Variants in ERBB4 observed in about 807,000 individuals in gnomAD.
ERBB4 encodes receptor tyrosine-protein kinase erbB-4.
In ERBB4, 42 loss-of-function variants were observed where a neutral mutation model predicts 158.0. The observed-to-expected ratio is 0.27, with a 90% CI of 0.21 to 0.34. ERBB4 has a LOEUF of 0.34. Among genes scored for constraint, ERBB4 ranks in the 10% least tolerant of loss-of-function variants. The pLI is 1.00. For missense variants in ERBB4, 1,333 were observed against 1,624.1 expected (o/e 0.82, Z 3.08); for synonymous variants, 583 against 558.7 (o/e 1.04, Z -0.61).
At chr2:212,018,074 A>G (rs867740514) in intron 2 of ERBB4, among the ~76,000 whole-genome samples, 84 of 152,188 alleles carry the variant, frequency 5.5e-4, no homozygotes, top group African/African-American at 1.9e-3. Flanking sequence ...TGGCTAAACT[A>G]TAAGAAATTG....
In ERBB4 at chr2:212,525,749, GTTTGT is replaced by G. The variant is rs1361240119; in HGVS notation, c.82+12695_82+12699del. On this transcript the variant is annotated intron_variant, in intron 1 of 27. Coordinates refer to ENST00000342788, the MANE Select transcript of ERBB4 (RefSeq NM_005235.3). ...CCACAAAAATAAGGTTTTGAGTTTT[GTTTGT>G]TTTGTTTTAAGCAACTTCCTGATTA... Among the ~76,000 whole-genome samples, 4 of 151,910 alleles carry G rather than the reference GTTTGT, an allele frequency of 2.6e-5. No individual in the cohort carries two copies. The East Asian group carries it at 7.7e-4, about 29-fold the overall frequency.
chr2:212,188,219 T>G (rs1575770947), intron 1 of ERBB4, among the ~76,000 whole-genome samples: 2 of 32,892 alleles, frequency 6.1e-5, no homozygotes, highest in African/African-American at 2.3e-4. Context: ...TCTCTCTCTC[T>G]CTCTCTCTCT....
chr2:211,621,078 G>A lies in ERBB4; in HGVS notation c.2203-1803C>T, dbSNP rs531367219. ...TACGGTGAACTGTGATTAAACCACT[G>A]CCCTCCACCCTGGCCTACAGAGCAA... On this transcript the variant is annotated intron_variant, in intron 18 of 27. Coordinates refer to ENST00000342788, the MANE Select transcript of ERBB4 (RefSeq NM_005235.3). Among the ~76,000 whole-genome samples, 6 of 152,210 alleles carry A rather than the reference G, an allele frequency of 3.9e-5. No homozygotes were observed. In the South Asian group the frequency reaches 8.3e-4, roughly 21 times the overall value.
intron 1 of ERBB4, among the ~76,000 whole-genome samples, chr2:212,240,650 A>AAAAAAAAAAAAAAAAAAG: frequency 6.9e-6 from 1 of 144,166 alleles, no homozygotes; most frequent in Non-Finnish European, 1.5e-5. Flanking sequence ...AAAAAAAAAA[A>AAAAAAAAAAAAAAAAAAG]AAAAAAAAAA....
intron 20 of ERBB4, among the ~76,000 whole-genome samples, chr2:211,440,419 C>G (rs1027441699): frequency 2.6e-5 from 4 of 152,110 alleles, no homozygotes; most frequent in Non-Finnish European, 5.9e-5. Context: ...ACAGCAACCT[C>G]TAGATTAATA....
chr2:211,825,629 T>A (rs1025534476), intron 3 of ERBB4, among the ~76,000 whole-genome samples: 4 of 151,558 alleles, frequency 2.6e-5, no homozygotes, highest in African/African-American at 9.7e-5. Context: ...GACAGAGAGA[T>A]AAATGTGAGT....
At chr2:212,422,302 C>T (rs1259300774) in intron 1 of ERBB4, among the ~76,000 whole-genome samples, 2 of 151,968 alleles carry the variant, frequency 1.3e-5, no homozygotes, top group African/African-American at 4.8e-5. Flanking sequence ...GTCAGTAGCT[C>T]GAGACCAGTC....
intron 1 of ERBB4, among the ~76,000 whole-genome samples, chr2:212,511,369 T>TCA (rs1207824748): frequency 2.0e-5 from 3 of 152,198 alleles, no homozygotes; most frequent in Non-Finnish European, 4.4e-5. Context: ...AGTGCAGTGT[T>TCA]CAGTGGATAA....
intron 2 of ERBB4, among the ~76,000 whole-genome samples, chr2:212,091,230 T>C (rs1395050241): frequency 1.3e-5 from 2 of 151,970 alleles, no homozygotes; most frequent in African/African-American, 4.8e-5. Context: ...GAAAGATATA[T>C]TAAGGTCAAT....
chr2:212,488,534 T>C (rs114436962), intron 1 of ERBB4, among the ~76,000 whole-genome samples: 168 of 152,144 alleles, frequency 1.1e-3, no homozygotes, highest in African/African-American at 4.0e-3. Context: ...GTAGACACTA[T>C]ACTTCAAGGC....
intron 20 of ERBB4, among the ~76,000 whole-genome samples, chr2:211,516,090 ATT>A (rs1163618874): frequency 6.7e-6 from 1 of 148,778 alleles, no homozygotes. Flanking sequence ...AATTTTTTGT[ATT>A]TTTTTAGTAG....
chr2:211,994,212 C>A (rs890462827), intron 2 of ERBB4, among the ~76,000 whole-genome samples: 2 of 151,984 alleles, frequency 1.3e-5, no homozygotes, highest in Non-Finnish European at 2.9e-5. Context: ...TTCACTGCAG[C>A]CTCAAACTCC....
At chr2:212,319,339 C>T (rs529869053) in intron 1 of ERBB4, among the ~76,000 whole-genome samples, 1 of 141,186 alleles carries the variant, frequency 7.1e-6, no homozygotes, top group East Asian at 2.0e-4. Flanking sequence ...TTCACTTTTC[C>T]TGGGTTTAGT....
At chr2:211,522,258 T>C (rs975230838) in intron 20 of ERBB4, among the ~76,000 whole-genome samples, 19 of 152,118 alleles carry the variant, frequency 1.2e-4, no homozygotes, top group Non-Finnish European at 1.0e-4. Flanking sequence ...TTGGAAGAAA[T>C]TGATTCCAAC....
rs545965030 is a variant in ERBB4 at position 211,902,700 on chromosome 2, A to C, written c.421+44730T>G. ...CTCAAAATTGAGTAATTTTCCTTCT[A>C]TGTATATTTTTTTCTTAAAAATTTT... On this transcript the variant is annotated intron_variant, in intron 3 of 27. Coordinates refer to ENST00000342788, the MANE Select transcript of ERBB4 (RefSeq NM_005235.3). Among the ~76,000 whole-genome samples the C allele has an allele frequency of 4.0e-5, 6 of 151,746 alleles. No individual in the cohort carries two copies. In the South Asian group the frequency reaches 1.0e-3, roughly 26 times the overall value.
chr2:211,619,109 G>C (rs2125846684), intron 19 of ERBB4, 68 bp downstream of exon 19: 1 of 932,962 alleles, frequency 1.1e-6, no homozygotes, highest in East Asian at 2.4e-5. Flanking sequence ...GTTTTGTTTT[G>C]CTTTAATTAT....
In ERBB4 at chr2:211,962,533, T is replaced by C. The variant is rs571728337; in HGVS notation, c.235-14917A>G. ...GAGTCTATAATTTTACACCAGGCAA[T>C]GGGGAATTAGTGGCACTGTATACAG... On this transcript the variant is annotated intron_variant, in intron 2 of 27. Transcript: ENST00000342788. Among the ~76,000 whole-genome samples, 3 of 152,196 alleles carry C rather than the reference T, an allele frequency of 2.0e-5. No homozygotes were observed. The South Asian group carries it at 6.2e-4, about 32-fold the overall frequency.
At chr2:211,586,862 T>G (rs1054647196) in intron 19 of ERBB4, among the ~76,000 whole-genome samples, 1 of 152,176 alleles carries the variant, frequency 6.6e-6, no homozygotes, top group Admixed American at 6.5e-5. Context: ...CACTTATTCT[T>G]TCCGATAATA....
rs755026855 is a variant in ERBB4 at position 212,124,837 on chromosome 2, C to T, written c.149G>A (p.Arg50His). 18 of 1,613,996 alleles carry T rather than the reference C, an allele frequency of 1.1e-5. No individual in the cohort carries two copies. Among genetic ancestry groups the T allele is most frequent in the Admixed American group, 5.0e-5 (3 of 59,996 alleles). ...AACCTCACAGTTTTCATAGTACTTG[C>T]GCAAGGCTCGGTACTGCTGTTCCAG... The part of the protein sequence containing the change: ...SDLEQQYRAL[R>H]KYYENCEVVM... The change falls in exon 2 of 28, where the codon CGC becomes CAC. Residue 50 changes from arginine (R) to histidine (H), a missense_variant. Physicochemically the swap from Arg to His is conservative, Grantham distance 29 (BLOSUM62 0). Transcript: ENST00000342788.
Sources: gnomAD v4.1 joint callset for allele counts (sites outside exome capture counted in the v4.1 genomes callset) on GRCh38, gnomAD v4.1.1 for gene constraint, MANE v1.5 for transcripts, NCBI Gene and HGNC (gene_info 2026-07-23, HGNC 2026-07-21) for gene names.